Variants in ADAM19 observed in about 807,000 individuals in gnomAD.
ADAM19 encodes ADAM metallopeptidase domain 19, also known as disintegrin and metalloproteinase domain-containing protein 19.
ADAM19 carries 65 observed loss-of-function variants against 114.7 expected under a neutral mutation model. That is an observed-to-expected ratio of 0.57 (90% CI 0.46 to 0.70). The LOEUF (loss-of-function observed/expected upper bound fraction) is 0.70. Among genes scored for constraint, ADAM19 ranks in the 30% least tolerant of loss-of-function variants. The probability of loss-of-function intolerance (pLI) is 0.00; values close to 1 mark genes in which losing one functional copy is unlikely to be tolerated. For missense variants in ADAM19, 1,063 were observed against 1,204.7 expected, an observed-to-expected ratio of 0.88 and a Z score of 1.74; for synonymous variants, 466 against 460.5, an observed-to-expected ratio of 1.01 and a Z score of -0.15.
At chr5:157,552,596 T>C (rs1203126190) in intron 3 of ADAM19, among the ~76,000 whole-genome samples, 1 of 150,402 alleles carries the variant, frequency 6.6e-6, no homozygotes, top group Non-Finnish European at 1.5e-5. Context: ...GGAGAATTGC[T>C]TGAACCTGGG....
chr5:157,532,395 T>C (rs1401503506), intron 4 of ADAM19, among the ~76,000 whole-genome samples: 1 of 152,172 alleles, frequency 6.6e-6, no homozygotes, highest in Non-Finnish European at 1.5e-5. Context: ...ATTTTATAAG[T>C]CAGGTAACCA....
At chr5:157,495,990 T>C (rs1755353595) in intron 14 of ADAM19, among the ~76,000 whole-genome samples, 1 of 132,698 alleles carries the variant, frequency 7.5e-6, no homozygotes, top group Non-Finnish European at 1.5e-5. Context: ...TCGCTTGGGC[T>C]GGAGTCCTAG....
chr5:157,517,006 TC>T (rs1210717965), intron 7 of ADAM19, among the ~76,000 whole-genome samples: 1 of 151,952 alleles, frequency 6.6e-6, no homozygotes, highest in Non-Finnish European at 1.5e-5. Flanking sequence ...TTAAAATAAA[TC>T]TAAACGCTTT....
At chr5:157,500,641 T>C (rs17054654) in intron 12 of ADAM19, among the ~76,000 whole-genome samples, 13,405 of 152,198 alleles carry the variant, frequency 0.088, 925 homozygotes, top group African/African-American at 0.18. Flanking sequence ...AAACAGTTTA[T>C]GTCAACTCCT....
In ADAM19 at chr5:157,488,444, G is replaced by T. The variant is rs1287198780; in HGVS notation, c.2371C>A (p.Pro791Thr). 6.2e-7 allele frequency: 1 copy of T among 1,610,966 alleles called. No homozygotes were observed. Among genetic ancestry groups the T allele is most frequent in the African/African-American group, 1.3e-5 (1 of 74,866 alleles). Residue 791 changes from proline to threonine, a missense_variant, in exon 21 of 23, where the codon CCC (proline) becomes ACC (threonine). This residue lies in a region of ADAM19 where 424 missense variants were observed against 445.5 expected (regional missense o/e 0.95). Transcript: ENST00000257527. ...CGCAGATAATCTGGAGGGGGCCGGGGAGGAGGCTGGGAGGGCTTCCGCAGG... is the reference window on the plus strand; with the variant it reads ...CGCAGATAATCTGGAGGGGGCCGGGTAGGAGGCTGGGAGGGCTTCCGCAGG... ...EILRKPSQPPPRPPPDYLRGG... is the reference protein window; with the variant it reads ...EILRKPSQPPTRPPPDYLRGG...
chr5:157,509,167 T>C lies in ADAM19; in HGVS notation c.905+134A>G, dbSNP rs979008494. 2.6e-4 allele frequency: 228 copies of C among 870,146 alleles called. 2 individuals are homozygous for C. Among genetic ancestry groups the C allele is most frequent in the Non-Finnish European group, 3.5e-4 (211 of 595,328 alleles). 53.9% of individuals were successfully genotyped at this position (870,146 alleles called of 1,614,324 possible). The stretch of plus-strand genomic sequence containing the variant: ...ACAGAGCGCATGTTTAGGAAATGCC[T>C]GATTCTCTGGACCAGGGAGTCAGAA... On this transcript the variant is annotated intron_variant, in intron 9 of 22. Coordinates refer to ENST00000257527, the MANE Select transcript of ADAM19 (RefSeq NM_033274.5).
At position 157,480,592 on chromosome 5, in the gene ADAM19, C is replaced by A; in HGVS notation, c.*357G>T. The A allele has an allele frequency of 9.1e-7, 1 of 1,094,400 alleles. No individual in the cohort carries two copies. Among genetic ancestry groups the A allele is most frequent in the African/African-American group, 1.6e-5 (1 of 60,762 alleles). The allele number at this position is 1,094,400 out of a possible 1,614,324, so 67.8% of individuals were successfully genotyped here. ...CCCAGGAGTGAATGGATGGCTTCTGCAAGCGAAGTGCTGGCCTGAGGGGCT... is the reference window on the plus strand; with the variant it reads ...CCCAGGAGTGAATGGATGGCTTCTGAAAGCGAAGTGCTGGCCTGAGGGGCT... On this transcript the variant is annotated 3_prime_UTR_variant, in exon 23 of 23. Transcript: ENST00000257527.
chr5:157,484,035 T>C (rs1302852842), intron 21 of ADAM19, among the ~76,000 whole-genome samples: 1 of 152,104 alleles, frequency 6.6e-6, no homozygotes, highest in Non-Finnish European at 1.5e-5. Context: ...ATTTTGTTCA[T>C]GTTGGTTGTC....
intron 3 of ADAM19, among the ~76,000 whole-genome samples, chr5:157,545,378 G>A (rs1757020694): frequency 6.6e-6 from 1 of 152,134 alleles, no homozygotes; most frequent in Non-Finnish European, 1.5e-5. Flanking sequence ...CCCTTGCCTG[G>A]CCAAATGAAT....
chr5:157,569,873 AC>A (rs1251968526), intron 2 of ADAM19, among the ~76,000 whole-genome samples: 2 of 152,168 alleles, frequency 1.3e-5, no homozygotes, highest in African/African-American at 2.4e-5. Flanking sequence ...AAGAAAATCT[AC>A]CACTTCGCAA....
At position 157,480,247 on chromosome 5, in the gene ADAM19, T is replaced by A; in HGVS notation, c.*702A>T. On this transcript the variant is annotated 3_prime_UTR_variant, in exon 23 of 23. Transcript: ENST00000257527. ...GAGTCGCAACCTTTGGCATCACGGC[T>A]CAGAGGAAGCCCAAGCCCGGTGCTC... 2 of 985,938 alleles carry A rather than the reference T, an allele frequency of 2.0e-6. No homozygotes were observed. Among genetic ancestry groups the A allele is most frequent in the Non-Finnish European group, 2.4e-6 (2 of 830,012 alleles). 61.1% of individuals were successfully genotyped at this position (985,938 alleles called of 1,614,324 possible).
Position 157,480,858 on chromosome 5 carries a change from C to T in ADAM19, c.*91G>A, listed in dbSNP as rs901887683. The T allele has an allele frequency of 1.8e-5, 29 of 1,591,918 alleles. No individual in the cohort carries two copies. The South Asian group carries it at 2.0e-4, about 11-fold the overall frequency. On this transcript the variant is annotated 3_prime_UTR_variant, in exon 23 of 23. Transcript: ENST00000257527. ...GAGGAGGGTGGGAGGAGCTCAGAGG[C>T]GGCCAGACATGCTTCTTCAGGGTTC...
intron 9 of ADAM19, among the ~76,000 whole-genome samples, chr5:157,508,325 AG>A: frequency 6.6e-6 from 1 of 152,380 alleles, no homozygotes; most frequent in Non-Finnish European, 1.5e-5. Flanking sequence ...AATGGTTTGA[AG>A]GCCAGGCATG....
At chr5:157,513,210 T>G (rs1007435854) in intron 8 of ADAM19, among the ~76,000 whole-genome samples, 1 of 151,954 alleles carries the variant, frequency 6.6e-6, no homozygotes, top group African/African-American at 2.4e-5. Flanking sequence ...ATTTATAAGC[T>G]GAAAACAGAA....
In ADAM19 at chr5:157,489,330, C is replaced by T. The variant is rs1364580732; in HGVS notation, c.2241-144G>A. The T allele has an allele frequency of 1.7e-5, 11 of 646,254 alleles. No individual in the cohort carries two copies. In the East Asian group the frequency reaches 2.5e-4, roughly 15 times the overall value. The allele number at this position is 646,254 out of a possible 1,614,324, so 40.0% of individuals were successfully genotyped here. A position where few individuals can be genotyped will look rare whatever the true frequency, so the allele number is the denominator to read the frequency against. On this transcript the variant is annotated intron_variant, in intron 19 of 22. Transcript: ENST00000257527. ...CTGGAGGGAGTGGGATTGGTCTTCT[C>T]GAACCACATCTTCCTAAGTAGAAAA... is the stretch of plus-strand genomic sequence containing the variant.
intron 3 of ADAM19, among the ~76,000 whole-genome samples, chr5:157,547,496 C>T (rs1757080861): frequency 6.6e-6 from 1 of 152,168 alleles, no homozygotes; most frequent in African/African-American, 2.4e-5. Context: ...CATGTGCTAT[C>T]TTGCCCTTCT....
intron 5 of ADAM19, 98 bp from the exon 6 acceptor site, chr5:157,520,129 G>A: frequency 1.6e-6 from 2 of 1,242,686 alleles, no homozygotes; most frequent in Non-Finnish European, 2.2e-6. Flanking sequence ...ATGACATAGT[G>A]GGTTTTGATC....
At chr5:157,534,596 T>C (rs1033337749) in intron 4 of ADAM19, among the ~76,000 whole-genome samples, 2 of 152,206 alleles carry the variant, frequency 1.3e-5, no homozygotes, top group Admixed American at 6.5e-5. Flanking sequence ...AGTTTGAGGC[T>C]GCAGTGAGCT....
intron 3 of ADAM19, among the ~76,000 whole-genome samples, chr5:157,562,230 C>T (rs897987154): frequency 6.6e-6 from 1 of 152,300 alleles, no homozygotes; most frequent in Non-Finnish European, 1.5e-5. Context: ...AGCAGGAAGC[C>T]GTCCCCCAGG....
Sources: gnomAD v4.1 joint callset for allele counts (sites outside exome capture counted in the v4.1 genomes callset) on GRCh38, gnomAD v4.1.1 for gene constraint, gnomAD v4.1.1 regional missense constraint, MANE v1.5 for transcripts, NCBI Gene and HGNC (gene_info 2026-07-23, HGNC 2026-07-21) for gene names.